EVL: variants seen among roughly 807,000 people sequenced by gnomAD.
The protein encoded by EVL is Enah/Vasp-like.
In EVL, 21 loss-of-function variants were observed where a neutral mutation model predicts 59.6. The ratio of observed to expected loss-of-function variants is 0.35; its 90% CI spans 0.25 to 0.51. The LOEUF is 0.51. Among genes scored for constraint, EVL ranks in the 20% least tolerant of loss-of-function variants. The probability of loss-of-function intolerance (pLI) is 0.97; values close to 1 mark genes in which losing one functional copy is unlikely to be tolerated. For synonymous variants in EVL, 198 were observed against 203.5 expected (o/e 0.97, Z 0.23); for missense variants, 462 against 546.6 (o/e 0.85, Z 1.54).
rs1887192017 is a variant in EVL at position 100,114,314 on chromosome 14, G to A, written c.359-9225G>A. On this transcript the variant is annotated intron_variant, in intron 3 of 13. Transcript: ENST00000392920. This position sits in a 1 kb window ranked among gnomAD's most constrained non-coding sequence, Gnocchi z 5.0. ...TCCCTTCTGACGCCACACCTACCCT[G>A]TTCCATCCCATTGCCCACAGGGTTA... Among the ~76,000 whole-genome samples the A allele has an allele frequency of 6.6e-6, 1 of 152,076 alleles. No individual in the cohort carries two copies. Among genetic ancestry groups the A allele is most frequent in the African/African-American group, 2.4e-5 (1 of 41,418 alleles).
At chr14:100,067,846 A>G (rs148646018) in intron 1 of EVL, among the ~76,000 whole-genome samples, 1 of 152,304 alleles carries the variant, frequency 6.6e-6, no homozygotes, top group Non-Finnish European at 1.5e-5. Flanking sequence ...CACAGAGAGT[A>G]ATAAGCATAG....
chr14:99,972,963 A>G lies in EVL; in HGVS notation c.5+906A>G, dbSNP rs755675962. Among the ~76,000 whole-genome samples, 1 of 152,170 alleles carries G rather than the reference A, an allele frequency of 6.6e-6. No individual in the cohort carries two copies. Among genetic ancestry groups the G allele is most frequent in the Non-Finnish European group, 1.5e-5 (1 of 68,034 alleles). On this transcript the variant is annotated intron_variant, in intron 1 of 13. Transcript: ENST00000402714. This position sits in a 1 kb window ranked among gnomAD's most constrained non-coding sequence, Gnocchi z 4.4. ...GTTTTTCAAGATGTTTTCGAGATCC[A>G]TTCCGTTGTAATCGTTATTTGTTCA...
At chr14:100,136,256 G>A (rs775338361) in intron 9 of EVL, among the ~76,000 whole-genome samples, 5 of 152,238 alleles carry the variant, frequency 3.3e-5, no homozygotes, top group Middle Eastern at 3.2e-3. Flanking sequence ...CTTGCCTGAC[G>A]GCACATATTC....
intron 1 of EVL, among the ~76,000 whole-genome samples, chr14:99,983,932 T>G (rs2060824367): frequency 6.6e-6 from 1 of 152,182 alleles, no homozygotes; most frequent in Non-Finnish European, 1.5e-5. Context: ...ATTTCCCTGA[T>G]CTACTGAAGG....
intron 1 of EVL, among the ~76,000 whole-genome samples, chr14:100,002,774 A>G (rs976322162): frequency 1.3e-5 from 2 of 152,250 alleles, no homozygotes; most frequent in African/African-American, 2.4e-5. Context: ...GAAATAAGTC[A>G]TTCATTTAAC....
chr14:100,102,435 A>G (rs2140328772), intron 3 of EVL: 1 of 453,640 alleles, frequency 2.2e-6, no homozygotes, highest in South Asian at 1.6e-5. Flanking sequence ...GTCAGGTGAC[A>G]TCTACATTGT....
chr14:100,091,819 T>G (rs915726170), intron 2 of EVL, among the ~76,000 whole-genome samples: 1 of 152,168 alleles, frequency 6.6e-6, no homozygotes, highest in Non-Finnish European at 1.5e-5. Flanking sequence ...GGGGTAGTCT[T>G]GTGGGACTCA....
At position 100,038,771 on chromosome 14, in the gene EVL, GGTGTGT is replaced by G. The variant is rs61309441; in HGVS notation, c.6-45887_6-45882del. Among the ~76,000 whole-genome samples, 20 of 141,006 alleles carry G rather than the reference GGTGTGT, an allele frequency of 1.4e-4. No individual in the cohort carries two copies. The South Asian group carries it at 2.9e-3, about 21-fold the overall frequency. The allele number at this position is 141,006 out of a possible 152,430, so 92.5% of individuals were successfully genotyped here. A position where few individuals can be genotyped will look rare whatever the true frequency, so the allele number is the denominator to read the frequency against. On this transcript the variant is annotated intron_variant, in intron 1 of 13. Transcript: ENST00000402714. ...TAGTACCCTGTGTGCTGTGCCCTGG[GGTGTGT>G]GTGTGTGTGTGTGTGTGTGTGTGTG... is the stretch of plus-strand genomic sequence containing the variant.
At chr14:100,111,214 T>C (rs546194562) in intron 3 of EVL, among the ~76,000 whole-genome samples, 13 of 141,324 alleles carry the variant, frequency 9.2e-5, no homozygotes, top group African/African-American at 3.2e-4. Context: ...CGGAGTGCAG[T>C]GGTGCAAACT....
At chr14:100,059,092 G>T (rs2061779594) in intron 1 of EVL, among the ~76,000 whole-genome samples, 1 of 152,166 alleles carries the variant, frequency 6.6e-6, no homozygotes, top group Admixed American at 6.5e-5. Context: ...TCTGCCTCTG[G>T]CCATGGCAGA....
intron 7 of EVL, 96 bp from the exon 8 acceptor site, chr14:100,132,623 G>A: frequency 7.4e-7 from 1 of 1,349,860 alleles, no homozygotes; most frequent in Non-Finnish European, 1.1e-6. Flanking sequence ...TTTATCTGAG[G>A]ACCGGGGTGA....
chr14:99,991,125 CCT>C (rs1267718357), intron 1 of EVL, among the ~76,000 whole-genome samples: 1 of 152,122 alleles, frequency 6.6e-6, no homozygotes, highest in Non-Finnish European at 1.5e-5. Context: ...TCCTCTTCAG[CCT>C]CTCAACACAA....
intron 13 of EVL, 139 bp downstream of exon 13, chr14:100,141,932 A>G (rs1390316708): frequency 3.1e-6 from 2 of 643,668 alleles, no homozygotes; most frequent in Admixed American, 3.2e-5. Context: ...CATTCTTACC[A>G]TCTCTAGTTG....
chr14:99,991,826 A>G (rs2060877118), intron 1 of EVL, among the ~76,000 whole-genome samples: 1 of 152,098 alleles, frequency 6.6e-6, no homozygotes, highest in Non-Finnish European at 1.5e-5. Flanking sequence ...TTATGTTATC[A>G]GTAAGGCTTC....
intron 2 of EVL, among the ~76,000 whole-genome samples, chr14:100,091,763 C>T (rs529976289): frequency 6.6e-6 from 1 of 152,282 alleles, no homozygotes. Context: ...GCCCGTGGGT[C>T]GGAAGCACAA....
intron 7 of EVL, among the ~76,000 whole-genome samples, chr14:100,132,419 C>T (rs1234795752): frequency 6.6e-6 from 1 of 152,076 alleles, no homozygotes; most frequent in Admixed American, 6.6e-5. Flanking sequence ...CGCCTCCCCT[C>T]CACGCCTCAG....
intron 1 of EVL, among the ~76,000 whole-genome samples, chr14:100,020,613 A>G (rs142982395): frequency 8.3e-4 from 126 of 152,252 alleles, no homozygotes; most frequent in African/African-American, 2.3e-3. Context: ...TTCTACCTCT[A>G]TGGGCCTTTT....
intron 1 of EVL, among the ~76,000 whole-genome samples, chr14:100,030,652 C>T (rs559125822): frequency 1.3e-4 from 20 of 152,254 alleles, no homozygotes; most frequent in Admixed American, 1.1e-3. Flanking sequence ...ACACAGTGAA[C>T]GAAACATGGT....
In EVL at chr14:100,059,608, GAGATGTTGC is replaced by G. The variant is rs543428917; in HGVS notation, c.6-25074_6-25066del. ...GATGCCAGAGGTCATTCAGTTCTGG[GAGATGTTGC>G]AGATCCGGCTTAACCTGAATGAAGA... On this transcript the variant is annotated intron_variant, in intron 1 of 13. Transcript: ENST00000402714. 1.2e-3 allele frequency among the ~76,000 whole-genome samples: 181 copies of G among 152,288 alleles called. 1 individual carries two copies. Among genetic ancestry groups the G allele is most frequent in the Non-Finnish European group, 2.1e-3 (143 of 68,038 alleles).
Sources: gnomAD v4.1 joint callset for allele counts (sites outside exome capture counted in the v4.1 genomes callset) on GRCh38, gnomAD v4.1.1 for gene constraint, Gnocchi (gnomAD v3.1) non-coding constraint, MANE v1.5 for transcripts, NCBI Gene and HGNC (gene_info 2026-07-23, HGNC 2026-07-21) for gene names.